The following OPHN1 variants were observed in gnomAD, a reference collection of about 807,000 sequenced individuals.
OPHN1 encodes the protein oligophrenin 1.
OPHN1 carries 11 observed loss-of-function variants against 60.7 expected under a neutral mutation model. The ratio of observed to expected loss-of-function variants is 0.18; its 90% CI spans 0.11 to 0.30. The LOEUF is 0.30. OPHN1 is among the 10% of genes least tolerant of loss of function. OPHN1 has a pLI of 1.00. For missense variants in OPHN1, 449 were observed against 611.0 expected, an observed-to-expected ratio of 0.73 and a Z score of 2.80; for synonymous variants, 226 against 222.6, an observed-to-expected ratio of 1.02 and a Z score of -0.14.
chrX:68,275,775 AT>A (rs1207735757), intron 4 of OPHN1, among the ~76,000 whole-genome samples: 2 of 111,938 alleles, frequency 1.8e-5, no homozygotes, highest in Non-Finnish European at 3.8e-5. Flanking sequence ...CTAAGAAGCA[AT>A]TTTTAACCTA....
chrX:68,410,516 A>G (rs1222035066), intron 2 of OPHN1, among the ~76,000 whole-genome samples: 2 of 109,261 alleles, frequency 1.8e-5, no homozygotes, highest in Non-Finnish European at 1.9e-5. Flanking sequence ...GAGCCAAGAT[A>G]GCGCCACTGC....
At chrX:68,199,486 TTAAAAAAA>T (rs1176705086) in intron 11 of OPHN1, among the ~76,000 whole-genome samples, 9 of 111,547 alleles carry the variant, frequency 8.1e-5, no homozygotes, top group African/African-American at 2.3e-4. Flanking sequence ...AAATTAAAAG[TTAAAAAAA>T]TAAAAAATCT....
chrX:68,292,447 T>C (rs183881677), intron 3 of OPHN1, among the ~76,000 whole-genome samples: 487 of 112,061 alleles, frequency 4.3e-3, no homozygotes, highest in Middle Eastern at 0.023. Context: ...ATAAATCCCA[T>C]GTATTTTTCA....
chrX:68,053,541 G>T (rs2076860225), intron 22 of OPHN1, 104 bp downstream of exon 22: 1 of 811,937 alleles, frequency 1.2e-6, no homozygotes, highest in Non-Finnish European at 1.8e-6. Context: ...AGTGAAGGAT[G>T]CCCCAGGGCT....
At chrX:68,266,730 G>C (rs1363888506) in intron 5 of OPHN1, among the ~76,000 whole-genome samples, 1 of 111,329 alleles carries the variant, frequency 9.0e-6, no homozygotes, top group Non-Finnish European at 1.9e-5. Context: ...GACACAGACT[G>C]GCAAATTGGA....
At chrX:68,340,519 G>A (rs1032048819) in intron 2 of OPHN1, among the ~76,000 whole-genome samples, 1 of 111,508 alleles carries the variant, frequency 9.0e-6, no homozygotes, top group African/African-American at 3.3e-5. Flanking sequence ...AAAGAATGAA[G>A]TTGTACCTTA....
intron 2 of OPHN1, among the ~76,000 whole-genome samples, chrX:68,369,687 C>G (rs1275921347): frequency 2.7e-5 from 3 of 109,433 alleles, no homozygotes; most frequent in Non-Finnish European, 5.7e-5. Context: ...CATCATCAAG[C>G]AGACAAAATT....
chrX:68,323,505 A>G (rs1165277466), intron 2 of OPHN1, among the ~76,000 whole-genome samples: 1 of 112,028 alleles, frequency 8.9e-6, no homozygotes, highest in African/African-American at 3.2e-5. Context: ...CATCTAATAT[A>G]CTACATATTT....
rs200560664 is a variant in OPHN1 at position 68,332,171 on chromosome X, AATG to A, written c.155-33078_155-33076del. Among the ~76,000 whole-genome samples the A allele has an allele frequency of 6.5e-3, 730 of 112,113 alleles. 6 individuals are homozygous for A. The highest frequency in any genetic ancestry group is 0.023 in the African/African-American group (699 of 30,894). ...TCTGTGCTTTTAAATTTGCATTAAT[AATG>A]ATGATGATGAAAATAACTAGCTTTT... On this transcript the variant is annotated intron_variant, in intron 2 of 24. Transcript: ENST00000355520.
chrX:68,242,248 T>C (rs1433180235), intron 5 of OPHN1, among the ~76,000 whole-genome samples: 8 of 102,928 alleles, frequency 7.8e-5, no homozygotes, highest in African/African-American at 2.9e-4. Context: ...CTGGATGCAG[T>C]AGCACATGCC....
At chrX:68,331,375 T>C (rs2078294039) in intron 2 of OPHN1, among the ~76,000 whole-genome samples, 2 of 108,742 alleles carry the variant, frequency 1.8e-5, no homozygotes, top group Non-Finnish European at 3.8e-5. Context: ...TGAGAGAAAG[T>C]AATAAGGACT....
chrX:68,387,811 T>C (rs1449330472), intron 2 of OPHN1, among the ~76,000 whole-genome samples: 2 of 111,302 alleles, frequency 1.8e-5, no homozygotes, highest in Non-Finnish European at 3.8e-5. Flanking sequence ...CAATACAATA[T>C]ACTGAAAACA....
chrX:68,082,064 A>G (rs1289720688), intron 19 of OPHN1, among the ~76,000 whole-genome samples: 2 of 111,879 alleles, frequency 1.8e-5, no homozygotes, highest in African/African-American at 6.5e-5. Flanking sequence ...TTGCTCATCC[A>G]TAAAAAGTAA....
At chrX:68,425,974 G>A (rs1333160586) in intron 2 of OPHN1, among the ~76,000 whole-genome samples, 2 of 109,413 alleles carry the variant, frequency 1.8e-5, no homozygotes, top group East Asian at 2.9e-4. Context: ...GGGACTACAG[G>A]CACGCACCAC....
chrX:68,378,451 CA>C (rs1431126404), intron 2 of OPHN1, among the ~76,000 whole-genome samples: 4 of 111,631 alleles, frequency 3.6e-5, no homozygotes, highest in African/African-American at 1.3e-4. Context: ...TCCCATTGGT[CA>C]AATTTTGGCT....
At chrX:68,054,901 C>T (rs2147350327) in intron 21 of OPHN1, among the ~76,000 whole-genome samples, 1 of 112,039 alleles carries the variant, frequency 8.9e-6, no homozygotes, top group African/African-American at 3.2e-5. Flanking sequence ...AAAATATTTA[C>T]AGTAAATGTA....
At chrX:68,073,027 G>A in intron 20 of OPHN1, 125 bp downstream of exon 20, 1 of 803,754 alleles carries the variant, frequency 1.2e-6, no homozygotes, top group Non-Finnish European at 1.8e-6. Flanking sequence ...CTGCTTTTAA[G>A]CTCAGGAGCC....
chrX:68,310,772 G>T, intron 2 of OPHN1, among the ~76,000 whole-genome samples: 1 of 111,791 alleles, frequency 8.9e-6, no homozygotes. Flanking sequence ...GCCAAAAAAT[G>T]GATTATTAGT....
At chrX:68,180,101 C>G (rs1475873275) in intron 15 of OPHN1, among the ~76,000 whole-genome samples, 1 of 111,721 alleles carries the variant, frequency 9.0e-6, no homozygotes, top group South Asian at 3.8e-4. Flanking sequence ...CTCAATCTCT[C>G]TTCCTACTAT....
Sources: allele counts gnomAD v4.1 joint callset (sites outside exome capture counted in the v4.1 genomes callset), GRCh38; gene constraint gnomAD v4.1.1; transcripts MANE v1.5; gene names NCBI Gene and HGNC (gene_info 2026-07-23, HGNC 2026-07-21).